The following ABLIM1 variants were observed in gnomAD, a reference collection of about 807,000 sequenced individuals.
ABLIM1 encodes the protein actin-binding LIM protein 1.
A neutral mutation model predicts 107.0 loss-of-function variants in ABLIM1; 40 were observed. The observed-to-expected ratio is 0.37, with a 90% CI of 0.29 to 0.49. The LOEUF (loss-of-function observed/expected upper bound fraction) is 0.49, where lower values mean the gene tolerates loss of function less well. ABLIM1 is among the 20% of genes least tolerant of loss of function. ABLIM1 has a pLI of 0.97. For synonymous variants in ABLIM1, 357 were observed against 357.3 expected (o/e 1.00, Z 0.01); for missense variants, 857 against 1,008.5 (o/e 0.85, Z 2.04).
chr10:114,525,257 C>T (rs1403238946), intron 6 of ABLIM1, among the ~76,000 whole-genome samples: 1 of 152,234 alleles, frequency 6.6e-6, no homozygotes, highest in Non-Finnish European at 1.5e-5. Flanking sequence ...AAAATCATGA[C>T]CATCCCTCCA....
At chr10:114,785,093 C>T in the ABLIM1 span, among the ~76,000 whole-genome samples, 3 of 152,174 alleles carry the variant, frequency 2.0e-5, no homozygotes, top group Admixed American at 2.0e-4. Flanking sequence ...CAAACAGTGC[C>T]ACCTCGTACA....
At chr10:114,757,379 G>A (rs2082653593) in intron 1 of ABLIM1, among the ~76,000 whole-genome samples, 1 of 152,076 alleles carries the variant, frequency 6.6e-6, no homozygotes, top group African/African-American at 2.4e-5. Flanking sequence ...CTGTAAAATA[G>A]GAATAATAAA....
At chr10:114,602,780 A>T (rs928586280) in intron 1 of ABLIM1, among the ~76,000 whole-genome samples, 5 of 152,250 alleles carry the variant, frequency 3.3e-5, no homozygotes, top group Non-Finnish European at 7.3e-5. Flanking sequence ...CTAAGAGAAT[A>T]CTAAAAGAAT....
intron 1 of ABLIM1, among the ~76,000 whole-genome samples, chr10:114,766,325 T>C (rs906429422): frequency 2.6e-5 from 4 of 152,224 alleles, no homozygotes; most frequent in African/African-American, 4.8e-5. Context: ...AAATGCAAGA[T>C]GACCAACATG....
intron 1 of ABLIM1, among the ~76,000 whole-genome samples, chr10:114,725,290 G>A (rs948959501): frequency 3.3e-5 from 5 of 152,118 alleles, no homozygotes; most frequent in Non-Finnish European, 7.4e-5. Context: ...AGCACAATTT[G>A]TAAACACCAA....
chr10:114,512,273 C>G (rs1315265392), intron 6 of ABLIM1, among the ~76,000 whole-genome samples: 1 of 152,236 alleles, frequency 6.6e-6, no homozygotes, highest in Non-Finnish European at 1.5e-5. Context: ...GCAATGTGCA[C>G]TCACGGAGTA....
chr10:114,595,870 T>C (rs556760907), intron 2 of ABLIM1, among the ~76,000 whole-genome samples: 2 of 152,324 alleles, frequency 1.3e-5, no homozygotes, highest in East Asian at 3.9e-4. Flanking sequence ...TCAGCCATTA[T>C]CCACATGCCA....
At chr10:114,719,018 T>G (rs994098615) in intron 1 of ABLIM1, among the ~76,000 whole-genome samples, 23 of 152,200 alleles carry the variant, frequency 1.5e-4, no homozygotes, top group African/African-American at 5.3e-4. Flanking sequence ...TTTTTGTTCA[T>G]GTATGTACGT....
At chr10:114,784,277 C>T in the ABLIM1 span, among the ~76,000 whole-genome samples, 1 of 150,764 alleles carries the variant, frequency 6.6e-6, no homozygotes, top group Non-Finnish European at 1.5e-5. Flanking sequence ...ACCTGGGAGG[C>T]GGAAGTTGCA....
At chr10:114,600,996 CTTT>C (rs1268320425) in intron 2 of ABLIM1, among the ~76,000 whole-genome samples, 2 of 151,280 alleles carry the variant, frequency 1.3e-5, no homozygotes, top group Non-Finnish European at 2.9e-5. Context: ...GATGGCAGGT[CTTT>C]TTCTGCTTAG....
chr10:114,683,229 G>C (rs2080821140), intron 1 of ABLIM1, among the ~76,000 whole-genome samples: 1 of 152,168 alleles, frequency 6.6e-6, no homozygotes, highest in Non-Finnish European at 1.5e-5. Flanking sequence ...ACCCACGTGG[G>C]GCCATCGTCC....
intron 1 of ABLIM1, among the ~76,000 whole-genome samples, chr10:114,734,255 C>T (rs910235499): frequency 6.6e-6 from 1 of 152,162 alleles, no homozygotes; most frequent in Non-Finnish European, 1.5e-5. Flanking sequence ...ATCTAATTCA[C>T]CCTATAACTG....
At chr10:114,801,137 G>A in the ABLIM1 span, among the ~76,000 whole-genome samples, 1 of 152,080 alleles carries the variant, frequency 6.6e-6, no homozygotes, top group Non-Finnish European at 1.5e-5. Context: ...AATGATGCCA[G>A]GGGTAGTGGT....
chr10:114,721,015 T>C (rs1240378486), intron 1 of ABLIM1, among the ~76,000 whole-genome samples: 1 of 152,224 alleles, frequency 6.6e-6, no homozygotes, highest in East Asian at 1.9e-4. Flanking sequence ...TCAGCACACC[T>C]GGTAAATCTG....
chr10:114,667,282 C>CTG (rs2080065908), intron 1 of ABLIM1, among the ~76,000 whole-genome samples: 2 of 152,278 alleles, frequency 1.3e-5, no homozygotes, highest in Admixed American at 1.3e-4. Flanking sequence ...TTTTAATCTG[C>CTG]TGTGAACCAC....
intron 1 of ABLIM1, among the ~76,000 whole-genome samples, chr10:114,649,243 A>G (rs1280862292): frequency 6.6e-6 from 1 of 151,898 alleles, no homozygotes; most frequent in South Asian, 2.1e-4. Context: ...TACTAAAAAT[A>G]CAAAAATATT....
At chr10:114,469,051 CAAAA>C (rs71473043) in intron 10 of ABLIM1, among the ~76,000 whole-genome samples, 5 of 75,336 alleles carry the variant, frequency 6.6e-5, no homozygotes, top group Admixed American at 5.2e-4. Context: ...GACTCTGTCT[CAAAA>C]AAAAAAAAAA....
At chr10:114,756,671 C>T (rs2082636915) in intron 1 of ABLIM1, among the ~76,000 whole-genome samples, 1 of 152,160 alleles carries the variant, frequency 6.6e-6, no homozygotes, top group African/African-American at 2.4e-5. Flanking sequence ...TATTTAATTA[C>T]CATTTGTAAA....
intron 1 of ABLIM1, among the ~76,000 whole-genome samples, chr10:114,693,383 G>C (rs1165520240): frequency 1.3e-5 from 2 of 151,348 alleles, no homozygotes; most frequent in Non-Finnish European, 3.0e-5. Context: ...GTGAGTGTAA[G>C]TGACTACAGC....
Sources: allele counts gnomAD v4.1 joint callset (sites outside exome capture counted in the v4.1 genomes callset), GRCh38; gene constraint gnomAD v4.1.1; transcripts MANE v1.5; gene names NCBI Gene and HGNC (gene_info 2026-07-23, HGNC 2026-07-21).